APTX: variants seen among roughly 807,000 people sequenced by gnomAD.
APTX encodes the protein aprataxin.
In APTX, 33 loss-of-function variants were observed where a neutral mutation model predicts 42.3. The ratio of observed to expected loss-of-function variants is 0.78; its 90% CI spans 0.59 to 1.04. The LOEUF (loss-of-function observed/expected upper bound fraction) is 1.04, where lower values mean the gene tolerates loss of function less well. Among genes scored for constraint, APTX ranks in the 50% least tolerant of loss-of-function variants. The pLI is 0.00. For missense variants in APTX, 421 were observed against 415.1 expected, an observed-to-expected ratio of 1.01 and a Z score of -0.12; for synonymous variants, 130 against 146.7, an observed-to-expected ratio of 0.89 and a Z score of 0.82.
intron 1 of APTX, among the ~76,000 whole-genome samples, chr9:33,019,133 A>G (rs1474209064): frequency 1.3e-5 from 2 of 152,234 alleles, no homozygotes; most frequent in Non-Finnish European, 2.9e-5. Flanking sequence ...AATTTTAACA[A>G]TAGGTTAAGA....
chr9:33,016,574 C>T (rs908798369), intron 1 of APTX, among the ~76,000 whole-genome samples: 3 of 152,078 alleles, frequency 2.0e-5, no homozygotes, highest in African/African-American at 7.2e-5. Context: ...CGGCTTTCTA[C>T]CAGGCTGGAG....
At chr9:32,985,870 C>A in intron 5 of APTX, 101 bp downstream of exon 5, 2 of 1,121,234 alleles carry the variant, frequency 1.8e-6, no homozygotes, top group South Asian at 1.3e-5. Flanking sequence ...GAATCTCATT[C>A]AGAAAGACTG....
chr9:32,994,541 T>C (rs912520092), intron 1 of APTX, among the ~76,000 whole-genome samples: 5 of 152,238 alleles, frequency 3.3e-5, no homozygotes, highest in African/African-American at 1.2e-4. Flanking sequence ...TTGAAAGATA[T>C]TGCATTTTTT....
intron 6 of APTX, among the ~76,000 whole-genome samples, chr9:32,977,487 A>C (rs940957753): frequency 2.0e-5 from 3 of 152,054 alleles, no homozygotes; most frequent in Non-Finnish European, 4.4e-5. Context: ...CCCATCTCTT[A>C]AAACAAAAAC....
In APTX at chr9:32,986,054, A is replaced by AAC. The variant is rs1563964008; in HGVS notation, c.484-25_484-24insGT. On this transcript the variant is annotated intron_variant, in intron 4 of 7. Transcript: ENST00000379817. ...TCCTAAAAAAAAAACAAAAAAAAAA[A>AAC]CAAAAAAAAAAAAAAACAAGCAATG... The AAC allele has an allele frequency of 7.5e-6, 5 of 662,754 alleles. No homozygotes were observed. In the African/African-American group the frequency reaches 1.1e-4, roughly 14 times the overall value. 41.1% of individuals were successfully genotyped at this position (662,754 alleles called of 1,614,324 possible). A position where few individuals can be genotyped will look rare whatever the true frequency, so the allele number is the denominator to read the frequency against.
In APTX at chr9:32,974,839, T is replaced by C. The variant is rs1322094411; in HGVS notation, c.771-278A>G. 3.9e-5 allele frequency among the ~76,000 whole-genome samples: 6 copies of C among 152,066 alleles called. 1 individual carries two copies. The highest frequency in any genetic ancestry group is 8.8e-5 in the Non-Finnish European group (6 of 68,020). The stretch of plus-strand genomic sequence containing the variant: ...GGAAAAGCCTCTGCCCTTATAGAAA[T>C]TGTACGCTAATGAGGAAAGACAAAT... On this transcript the variant is annotated intron_variant, in intron 6 of 7. Coordinates refer to ENST00000379817, the MANE Select transcript of APTX (RefSeq NM_001195248.2).
chr9:33,016,051 G>T (rs1029036148), intron 1 of APTX: 2 of 152,138 alleles, frequency 1.3e-5, no homozygotes, highest in Non-Finnish European at 2.9e-5. Context: ...TTAAATAAAC[G>T]TTGCCAAATG....
chr9:32,997,091 T>TATGAAGC (rs1835116689), intron 1 of APTX, among the ~76,000 whole-genome samples: 1 of 152,244 alleles, frequency 6.6e-6, no homozygotes, highest in Admixed American at 6.5e-5. Flanking sequence ...AACCACTGCA[T>TATGAAGC]CATATAACTT....
intron 1 of APTX, among the ~76,000 whole-genome samples, chr9:32,998,519 A>G (rs1052002688): frequency 1.3e-5 from 2 of 152,162 alleles, no homozygotes; most frequent in African/African-American, 2.4e-5. Flanking sequence ...GCACATATAT[A>G]CCATGGAATA....
At chr9:33,007,219 G>C (rs751185015) in intron 1 of APTX, among the ~76,000 whole-genome samples, 15 of 152,164 alleles carry the variant, frequency 9.9e-5, no homozygotes, top group Non-Finnish European at 2.1e-4. Flanking sequence ...TAGAAGTCCA[G>C]TGGAGGTGAA....
At chr9:33,001,777 A>G, upstream of APTX, 1 of 803,870 alleles carries the variant, frequency 1.2e-6, no homozygotes, top group Non-Finnish European at 2.0e-6. Flanking sequence ...CCAACTGAGG[A>G]TCCTGGAAGT....
At chr9:33,021,292 A>G (rs539773292) in intron 1 of APTX, among the ~76,000 whole-genome samples, 1 of 152,206 alleles carries the variant, frequency 6.6e-6, no homozygotes, top group Non-Finnish European at 1.5e-5. Context: ...ATATACAGTT[A>G]TATGTTCATG....
intron 1 of APTX, among the ~76,000 whole-genome samples, chr9:32,995,515 G>A (rs1369649151): frequency 6.6e-6 from 1 of 152,162 alleles, no homozygotes; most frequent in Non-Finnish European, 1.5e-5. Flanking sequence ...ATGAGGAGTT[G>A]CTTCTTATGG....
chr9:33,001,619 T>C lies in APTX; in HGVS notation c.-57A>G. On this transcript the variant is annotated 5_prime_UTR_variant, in exon 1 of 8. Coordinates refer to ENST00000379817, the MANE Select transcript of APTX (RefSeq NM_001195248.2). ...ACGTTACTCATCTGTGCCTCACCGC[T>C]TCCGGCGCTGCGGGATGACGTCAGA... is the stretch of plus-strand genomic sequence containing the variant. 1 of 1,613,822 alleles carries C rather than the reference T, an allele frequency of 6.2e-7. No homozygotes were observed. Among genetic ancestry groups the C allele is most frequent in the Non-Finnish European group, 8.5e-7 (1 of 1,179,982 alleles).
At chr9:33,011,449 G>A (rs903272175) in intron 1 of APTX, among the ~76,000 whole-genome samples, 3 of 151,702 alleles carry the variant, frequency 2.0e-5, no homozygotes, top group Admixed American at 6.6e-5. Flanking sequence ...CACCACGCCC[G>A]GCTAATTTTT....
At chr9:32,979,990 T>G (rs1830324040) in intron 6 of APTX, 1 of 159,276 alleles carries the variant, frequency 6.3e-6, no homozygotes, top group South Asian at 1.7e-4. Flanking sequence ...CTCGCAACAC[T>G]TTAACCAAAG....
upstream of APTX, among the ~76,000 whole-genome samples, chr9:33,004,140 G>A (rs1240197875): frequency 1.3e-5 from 2 of 152,144 alleles, no homozygotes; most frequent in Non-Finnish European, 2.9e-5. Context: ...TGGAACTGGA[G>A]GCCATTTTTC....
chr9:33,022,813 G>A (rs1303295304), intron 1 of APTX, among the ~76,000 whole-genome samples: 3 of 152,196 alleles, frequency 2.0e-5, no homozygotes, highest in Admixed American at 6.5e-5. Flanking sequence ...TTTATTTTAC[G>A]TAAGAATGCT....
chr9:33,010,459 C>G (rs1359308466), intron 1 of APTX, among the ~76,000 whole-genome samples: 1 of 152,288 alleles, frequency 6.6e-6, no homozygotes, highest in East Asian at 1.9e-4. Context: ...GTGGCTCACA[C>G]CTGTAATCCC....
Sources: allele counts gnomAD v4.1 joint callset (sites outside exome capture counted in the v4.1 genomes callset), GRCh38; gene constraint gnomAD v4.1.1; transcripts MANE v1.5; gene names NCBI Gene and HGNC (gene_info 2026-07-23, HGNC 2026-07-21).